ZNF609: variants seen among roughly 807,000 people sequenced by gnomAD.
ZNF609 encodes the protein zinc finger protein 609.
Under a neutral mutation model 109.5 loss-of-function variants are expected in ZNF609, and 11 were observed. The ratio of observed to expected loss-of-function variants is 0.10; its 90% confidence interval spans 0.06 to 0.17. The LOEUF (loss-of-function observed/expected upper bound fraction) is 0.17, where lower values mean the gene tolerates loss of function less well. Ranked by LOEUF, ZNF609 falls within the 10% of genes least tolerant of loss-of-function variation. ZNF609 has a pLI of 1.00. For synonymous variants in ZNF609, 646 were observed against 662.0 expected, an observed-to-expected ratio of 0.98 and a Z score of 0.37; for missense variants, 1,559 against 1,772.4, an observed-to-expected ratio of 0.88 and a Z score of 2.16.
At chr15:64,632,056 G>A (rs1896090046) in intron 3 of ZNF609, 1 of 152,152 alleles carries the variant, frequency 6.6e-6, no homozygotes, top group African/African-American at 2.4e-5. Context: ...TTGAGACAGG[G>A]TCTTGTTCTT....
chr15:64,584,741 G>T (rs1372366011), intron 2 of ZNF609, among the ~76,000 whole-genome samples: 2 of 151,750 alleles, frequency 1.3e-5, no homozygotes, highest in Non-Finnish European at 2.9e-5. Flanking sequence ...TGATTCTCCT[G>T]CCTCAGCCTC....
At chr15:64,567,117 T>G (rs1342195470) in intron 2 of ZNF609, among the ~76,000 whole-genome samples, 1 of 152,186 alleles carries the variant, frequency 6.6e-6, no homozygotes, top group Non-Finnish European at 1.5e-5. Flanking sequence ...AAACAGACTT[T>G]AAATACTTTA....
chr15:64,542,495 T>A (rs139254946), intron 2 of ZNF609, among the ~76,000 whole-genome samples: 1 of 152,230 alleles, frequency 6.6e-6, no homozygotes, highest in Non-Finnish European at 1.5e-5. Flanking sequence ...GATTTAAATA[T>A]TGTCACCTTT....
intron 2 of ZNF609, among the ~76,000 whole-genome samples, chr15:64,530,113 C>G (rs901831071): frequency 6.6e-6 from 1 of 150,986 alleles, no homozygotes; most frequent in African/African-American, 2.4e-5. Context: ...CTCCCAGGGT[C>G]AAGTGATTCT....
chr15:64,636,857 C>G (rs534990331), intron 3 of ZNF609, among the ~76,000 whole-genome samples: 2 of 152,192 alleles, frequency 1.3e-5, no homozygotes, highest in Non-Finnish European at 2.9e-5. Flanking sequence ...TTCCCAGCCA[C>G]TTGTCTACAG....
At chr15:64,586,500 CAGATCAGCATT>C (rs1478118612) in intron 2 of ZNF609, among the ~76,000 whole-genome samples, 2 of 152,084 alleles carry the variant, frequency 1.3e-5, no homozygotes, top group African/African-American at 2.4e-5. Context: ...TGCCTCCTGT[CAGATCAGCATT>C]AGATTCTCAT....
At chr15:64,583,184 C>T (rs1895141013) in intron 2 of ZNF609, among the ~76,000 whole-genome samples, 1 of 151,376 alleles carries the variant, frequency 6.6e-6, no homozygotes, top group Non-Finnish European at 1.5e-5. Flanking sequence ...AGGCACCCGC[C>T]ACCACACCCA....
At chr15:64,528,530 C>G (rs1397959667) in intron 2 of ZNF609, 5 of 519,902 alleles carry the variant, frequency 9.6e-6, no homozygotes, top group African/African-American at 5.7e-5. Context: ...AGGCCCCTCC[C>G]TCTCCAAGGG....
At chr15:64,509,660 G>C (rs569905950) in intron 2 of ZNF609, among the ~76,000 whole-genome samples, 96 of 152,334 alleles carry the variant, frequency 6.3e-4, no homozygotes, top group African/African-American at 2.1e-3. Flanking sequence ...CAGTTTGGAA[G>C]TGTGTGTTGG....
At chr15:64,606,682 A>T (rs948125729) in intron 2 of ZNF609, among the ~76,000 whole-genome samples, 2 of 152,182 alleles carry the variant, frequency 1.3e-5, no homozygotes, top group Admixed American at 6.5e-5. Context: ...AAGAGCTGGG[A>T]TTATAGGCAT....
chr15:64,633,752 G>C (rs140116695), intron 3 of ZNF609, among the ~76,000 whole-genome samples: 1 of 151,852 alleles, frequency 6.6e-6, no homozygotes, highest in Non-Finnish European at 1.5e-5. Flanking sequence ...ATGGTGGTGG[G>C]CGCCTGTAAT....
intron 1 of ZNF609, among the ~76,000 whole-genome samples, chr15:64,490,031 T>C (rs1004488524): frequency 1.3e-5 from 2 of 152,200 alleles, no homozygotes; most frequent in African/African-American, 4.8e-5. Context: ...TGATCACAGC[T>C]CACTGCAGCC....
At chr15:64,663,428 G>C (rs954810025) in intron 3 of ZNF609, among the ~76,000 whole-genome samples, 1 of 152,090 alleles carries the variant, frequency 6.6e-6, no homozygotes, top group Non-Finnish European at 1.5e-5. Context: ...TGGAGGAGAG[G>C]GTTGTTAAGG....
In ZNF609 at chr15:64,581,177, C is replaced by T. The variant is rs142890340; in HGVS notation, c.748-41650C>T. ...AGTAGCTGGGACTATATGCATGTCA[C>T]CATCCTGGCCTAGCCTTCACTTTCT... On this transcript the variant is annotated intron_variant, in intron 2 of 9. Coordinates refer to ENST00000326648, the MANE Select transcript of ZNF609 (RefSeq NM_015042.2). Among the ~76,000 whole-genome samples, 341 of 152,038 alleles carry T rather than the reference C, an allele frequency of 2.2e-3. 1 individual carries two copies. The highest frequency in any genetic ancestry group is 8.0e-3 in the African/African-American group (332 of 41,476).
At chr15:64,595,846 T>C (rs592070) in intron 2 of ZNF609, among the ~76,000 whole-genome samples, 132,112 of 152,160 alleles carry the variant, frequency 0.87, 58,566 homozygotes, top group East Asian at 0.96. Flanking sequence ...TGGAAATCAG[T>C]CCTGCTCTCA....
chr15:64,614,170 C>G (rs1013816689), intron 2 of ZNF609, among the ~76,000 whole-genome samples: 18 of 151,930 alleles, frequency 1.2e-4, no homozygotes, highest in Non-Finnish European at 2.4e-4. Context: ...ATCTGCCCAC[C>G]TTGGACTCCC....
At position 64,577,068 on chromosome 15, in the gene ZNF609, A is replaced by ATG. The variant is rs1316585114; in HGVS notation, c.748-45758_748-45757insGT. ...CACATAAATATATACATATATGTAT[A>ATG]TATACACAAATATATACATATATGT... is the stretch of plus-strand genomic sequence containing the variant. On this transcript the variant is annotated intron_variant, in intron 2 of 9. Coordinates refer to ENST00000326648, the MANE Select transcript of ZNF609 (RefSeq NM_015042.2). Among the ~76,000 whole-genome samples the ATG allele has an allele frequency of 6.9e-5, 7 of 100,732 alleles. 1 individual carries two copies. Among genetic ancestry groups the ATG allele is most frequent in the African/African-American group, 2.4e-4 (7 of 28,596 alleles). The allele number at this position is 100,732 out of a possible 152,430, so 66.1% of individuals were successfully genotyped here. A position where few individuals can be genotyped will look rare whatever the true frequency, so the allele number is the denominator to read the frequency against.
chr15:64,576,967 CATAAATATATATATGTATGTAT>C (rs1567019007), intron 2 of ZNF609, among the ~76,000 whole-genome samples: 1 of 133,076 alleles, frequency 7.5e-6, no homozygotes, highest in South Asian at 2.3e-4. Context: ...TATATATACA[CATAAATATATATATGTATGTAT>C]ACACATAAAT....
intron 3 of ZNF609, among the ~76,000 whole-genome samples, chr15:64,645,563 AC>A (rs1436387502): frequency 6.6e-6 from 1 of 152,132 alleles, no homozygotes; most frequent in African/African-American, 2.4e-5. Flanking sequence ...AAAACTAATA[AC>A]TTTTGTTTAT....
Sources: gnomAD v4.1 joint callset for allele counts (sites outside exome capture counted in the v4.1 genomes callset) on GRCh38, gnomAD v4.1.1 for gene constraint, MANE v1.5 for transcripts, NCBI Gene and HGNC (gene_info 2026-07-23, HGNC 2026-07-21) for gene names.